MAGI2: variants seen among roughly 807,000 people sequenced by gnomAD.
MAGI2 encodes membrane associated guanylate kinase, WW and PDZ domain containing 2, also known as membrane-associated guanylate kinase, WW and PDZ domain-containing protein 2.
In MAGI2, 35 loss-of-function variants were observed where a neutral mutation model predicts 133.3. The ratio of observed to expected loss-of-function variants is 0.26; its 90% CI spans 0.20 to 0.35. The LOEUF (loss-of-function observed/expected upper bound fraction) is 0.35, where lower values mean the gene tolerates loss of function less well. Among genes scored for constraint, MAGI2 ranks in the 10% least tolerant of loss-of-function variants. MAGI2 has a pLI of 1.00. For synonymous variants in MAGI2, 729 were observed against 710.6 expected (o/e 1.03, Z -0.41); for missense variants, 1,636 against 1,863.4 (o/e 0.88, Z 2.25).
intron 1 of MAGI2, among the ~76,000 whole-genome samples, chr7:79,132,905 T>G (rs535391661): frequency 1.1e-4 from 17 of 152,298 alleles, no homozygotes; most frequent in Non-Finnish European, 1.6e-4. Context: ...TGATTAGTGA[T>G]GCTGAGCATT....
At chr7:78,510,764 T>C (rs1470701825) in intron 4 of MAGI2, among the ~76,000 whole-genome samples, 3 of 152,180 alleles carry the variant, frequency 2.0e-5, no homozygotes, top group Admixed American at 2.0e-4. Flanking sequence ...TTTGCTTTTG[T>C]TGGGCACCAG....
chr7:79,442,084 G>C (rs1290276369), intron 1 of MAGI2, among the ~76,000 whole-genome samples: 1 of 152,112 alleles, frequency 6.6e-6, no homozygotes, highest in African/African-American at 2.4e-5. Context: ...CAGCACATCA[G>C]CTTGTACATT....
At chr7:78,781,100 C>G (rs190254217) in intron 2 of MAGI2, among the ~76,000 whole-genome samples, 3 of 152,046 alleles carry the variant, frequency 2.0e-5, no homozygotes, top group African/African-American at 7.2e-5. Flanking sequence ...GAGGGATGGC[C>G]GGGCAGGGTG....
At chr7:78,871,106 C>T (rs897566877) in intron 2 of MAGI2, among the ~76,000 whole-genome samples, 2 of 152,016 alleles carry the variant, frequency 1.3e-5, no homozygotes, top group South Asian at 2.1e-4. Context: ...GTCAGGAGAT[C>T]GAGATCATCT....
intron 20 of MAGI2, among the ~76,000 whole-genome samples, chr7:78,110,085 C>CT (rs1234321415): frequency 1.3e-5 from 2 of 152,154 alleles, no homozygotes; most frequent in African/African-American, 4.8e-5. Context: ...TCCTAATTCC[C>CT]TGATAGAAGT....
chr7:79,140,256 T>C lies in MAGI2; in HGVS notation c.302-133050A>G, dbSNP rs538972758. 1.1e-4 allele frequency among the ~76,000 whole-genome samples: 16 copies of C among 152,332 alleles called. No homozygotes were observed. The East Asian group carries it at 2.9e-3, about 28-fold the overall frequency. ...TATGCTGAATGTAGGATTCTAAAAATTGGGTGTTTATTTCTTGTTTTCTCA... is the reference window on the plus strand; with the variant it reads ...TATGCTGAATGTAGGATTCTAAAAACTGGGTGTTTATTTCTTGTTTTCTCA... On this transcript the variant is annotated intron_variant, in intron 1 of 21. Transcript: ENST00000354212.
intron 1 of MAGI2, among the ~76,000 whole-genome samples, chr7:79,171,396 T>C (rs1825528616): frequency 1.3e-5 from 2 of 152,006 alleles, no homozygotes; most frequent in South Asian, 4.1e-4. Flanking sequence ...TCATCTTAAA[T>C]AATTATGTTT....
chr7:78,045,468 A>C (rs1163899344), intron 21 of MAGI2, among the ~76,000 whole-genome samples: 1 of 152,220 alleles, frequency 6.6e-6, no homozygotes, highest in Non-Finnish European at 1.5e-5. Context: ...CATTCTAGGG[A>C]AAGGAAAAGA....
chr7:79,017,097 A>G (rs1460835266), intron 1 of MAGI2, among the ~76,000 whole-genome samples: 3 of 152,254 alleles, frequency 2.0e-5, no homozygotes, highest in Non-Finnish European at 4.4e-5. Context: ...TGCAACTTGC[A>G]GCACTGCCGC....
chr7:78,649,118 T>C (rs1811219875), intron 2 of MAGI2, among the ~76,000 whole-genome samples: 1 of 151,272 alleles, frequency 6.6e-6, no homozygotes, highest in Admixed American at 6.6e-5. Context: ...TTAAACCGCA[T>C]GTCTGTTGGG....
chr7:78,470,342 G>T (rs1455989638), intron 6 of MAGI2, among the ~76,000 whole-genome samples: 3 of 152,096 alleles, frequency 2.0e-5, no homozygotes, highest in Admixed American at 2.0e-4. Flanking sequence ...AACCAGCACT[G>T]TTTAACTTAA....
intron 21 of MAGI2, among the ~76,000 whole-genome samples, chr7:78,073,749 G>A (rs1268838316): frequency 2.0e-5 from 3 of 152,164 alleles, no homozygotes; most frequent in African/African-American, 7.2e-5. Context: ...TTCAAGGCAG[G>A]GAGCTAATCT....
chr7:78,935,823 T>C (rs900861638), intron 2 of MAGI2, among the ~76,000 whole-genome samples: 1 of 152,090 alleles, frequency 6.6e-6, no homozygotes, highest in Non-Finnish European at 1.5e-5. Context: ...ACCATTAGCT[T>C]TGAGTTTCTC....
chr7:79,079,909 G>T (rs2129541796), intron 1 of MAGI2, among the ~76,000 whole-genome samples: 1 of 152,122 alleles, frequency 6.6e-6, no homozygotes, highest in African/African-American at 2.4e-5. Context: ...GGTACCTAAG[G>T]CTTTAGTCTT....
intron 21 of MAGI2, among the ~76,000 whole-genome samples, chr7:78,040,617 AGC>A (rs1810725868): frequency 6.6e-6 from 1 of 152,152 alleles, no homozygotes; most frequent in Non-Finnish European, 1.5e-5. Flanking sequence ...CAGCTCTGGA[AGC>A]GCGGGATGAC....
chr7:78,522,751 G>C (rs1796614481), intron 3 of MAGI2, among the ~76,000 whole-genome samples: 1 of 152,160 alleles, frequency 6.6e-6, no homozygotes, highest in Non-Finnish European at 1.5e-5. Context: ...GGTAAAGAAC[G>C]TAGGTCATAT....
At chr7:78,652,404 G>A (rs1811678339) in intron 2 of MAGI2, among the ~76,000 whole-genome samples, 1 of 152,134 alleles carries the variant, frequency 6.6e-6, no homozygotes, top group Non-Finnish European at 1.5e-5. Context: ...AATGAAAACA[G>A]CATGGTACTG....
chr7:78,032,953 G>C (rs1388624120), intron 21 of MAGI2, among the ~76,000 whole-genome samples: 1 of 152,098 alleles, frequency 6.6e-6, no homozygotes, highest in Non-Finnish European at 1.5e-5. Context: ...AGAGAGTCTG[G>C]ATTTTATTCC....
At chr7:79,050,782 A>G (rs768175082) in intron 1 of MAGI2, among the ~76,000 whole-genome samples, 1 of 152,244 alleles carries the variant, frequency 6.6e-6, no homozygotes, top group Non-Finnish European at 1.5e-5. Context: ...CTCCTGGCTG[A>G]AAGCCAACTT....
Sources: allele counts gnomAD v4.1 joint callset (sites outside exome capture counted in the v4.1 genomes callset), GRCh38; gene constraint gnomAD v4.1.1; transcripts MANE v1.5; gene names NCBI Gene and HGNC (gene_info 2026-07-23, HGNC 2026-07-21).